Variants in TBC1D20 observed in about 807,000 individuals in gnomAD.
TBC1D20 encodes chromosome 20 open reading frame 140.
In TBC1D20, 12 loss-of-function variants were observed where a neutral mutation model predicts 41.6. That is an observed-to-expected ratio of 0.29 (90% CI 0.18 to 0.47). The LOEUF (loss-of-function observed/expected upper bound fraction) is 0.47. Ranked by LOEUF, TBC1D20 falls within the 20% of genes least tolerant of loss-of-function variation. The pLI is 1.00. For synonymous variants in TBC1D20, 205 were observed against 204.8 expected (o/e 1.00, Z -0.01); for missense variants, 421 against 517.4 (o/e 0.81, Z 1.81).
intron 3 of TBC1D20, among the ~76,000 whole-genome samples, chr20:444,263 G>A (rs2017290460): frequency 6.6e-6 from 1 of 152,196 alleles, no homozygotes; most frequent in African/African-American, 2.4e-5. Context: ...CCTGGGTATT[G>A]CAAGAATCTG....
At chr20:443,713 G>A (rs1367244966) in intron 3 of TBC1D20, among the ~76,000 whole-genome samples, 2 of 152,148 alleles carry the variant, frequency 1.3e-5, no homozygotes, top group Non-Finnish European at 2.9e-5. Context: ...AGTGAGCCAA[G>A]CCCAGAAGAC....
intron 1 of TBC1D20, among the ~76,000 whole-genome samples, chr20:457,275 C>T (rs758398141): frequency 2.0e-5 from 3 of 152,046 alleles, no homozygotes; most frequent in Non-Finnish European, 2.9e-5. Context: ...GACAGGGTCT[C>T]ACTCTGTTGC....
chr20:439,123 T>A lies in TBC1D20; in HGVS notation c.941A>T (p.Gln314Leu). 6.2e-7 allele frequency: 1 copy of A among 1,612,582 alleles called. No individual in the cohort carries two copies. Among genetic ancestry groups the A allele is most frequent in the South Asian group, 1.1e-5 (1 of 90,858 alleles). ...PSELAREAAA[Q>L]QQAERTAAST... ...CCTTGCTCACCTCTCAGCTTGCTGT[T>A]GGGCAGCGGCCTCCCGAGCAAGTTC... Residue 314 changes from glutamine (Q) to leucine (L), a missense_variant, in exon 7 of 8, where the codon CAA (glutamine) becomes CTA (leucine). Coordinates refer to ENST00000354200, the MANE Select transcript of TBC1D20 (RefSeq NM_144628.4). This position sits in a 1 kb window ranked among gnomAD's most constrained non-coding sequence, Gnocchi z 4.6.
intron 1 of TBC1D20, 42 bp from the exon 2 acceptor site, chr20:448,116 C>T (rs754621216): frequency 1.1e-5 from 16 of 1,486,682 alleles, no homozygotes; most frequent in Admixed American, 6.8e-5. Context: ...ACATTCAGCA[C>T]GTGCATATTT....
intron 3 of TBC1D20, among the ~76,000 whole-genome samples, chr20:443,939 C>A (rs1294380222): frequency 3.3e-5 from 5 of 152,008 alleles, no homozygotes; most frequent in African/African-American, 1.2e-4. Context: ...GCCTGGCCAA[C>A]ATGGTGAAAC....
In TBC1D20 at chr20:441,604, G is replaced by A; in HGVS notation, c.610C>T (p.His204Tyr). Residue 204 changes from histidine to tyrosine, a missense_variant, in exon 5 of 8, where the codon CAT becomes TAT. Around this residue, in one of 3 missense-constraint regions of TBC1D20, gnomAD observed 110 missense variants for 183.5 expected, o/e 0.60. Transcript: ENST00000354200. ...PIIDQVNPEL[H>Y]DFMQSAEVGT... ...CATATGTACCTCTGCATGAAGTCAT[G>A]GAGCTCTGGATTCACCTGGTCAATG... The A allele has an allele frequency of 6.2e-7, 1 of 1,614,090 alleles. No homozygotes were observed. The highest frequency in any genetic ancestry group is 1.1e-5 in the South Asian group (1 of 91,086).
In TBC1D20 at chr20:437,623, G is replaced by T. The variant is rs6052008; in HGVS notation, c.*963C>A. ...CCTATTTGGGAGTAGGATGATTTGA[G>T]GAAAACAGGAAGAAAAACCGGTCAG... On this transcript the variant is annotated 3_prime_UTR_variant, in exon 8 of 8. Transcript: ENST00000354200. The T allele has an allele frequency of 7.1e-4, 108 of 152,864 alleles. No individual in the cohort carries two copies. The highest frequency in any genetic ancestry group is 2.3e-3 in the African/African-American group (96 of 41,518). The allele number at this position is 152,864 out of a possible 1,614,324, so 9.5% of individuals were successfully genotyped here.
intron 1 of TBC1D20, among the ~76,000 whole-genome samples, chr20:455,183 AC>A (rs1406156954): frequency 1.3e-5 from 2 of 152,130 alleles, no homozygotes; most frequent in African/African-American, 4.8e-5. Context: ...TAGTAGGGTG[AC>A]CATTTGTCCT....
At chr20:458,083 A>C (rs1344283418) in intron 1 of TBC1D20, among the ~76,000 whole-genome samples, 2 of 152,136 alleles carry the variant, frequency 1.3e-5, no homozygotes, top group African/African-American at 2.4e-5. Context: ...AGAGTATGAT[A>C]ATTTTTCTTC....
intron 1 of TBC1D20, among the ~76,000 whole-genome samples, chr20:452,319 A>G (rs892889705): frequency 6.6e-6 from 1 of 151,916 alleles, no homozygotes; most frequent in Non-Finnish European, 1.5e-5. Context: ...AAAAACAAAC[A>G]AACAAAAAAA....
chr20:441,559 T>C (rs769724714), intron 5 of TBC1D20, 29 bp downstream of exon 5: 5 of 1,590,032 alleles, frequency 3.1e-6, no homozygotes, highest in South Asian at 1.1e-5. Flanking sequence ...TGTGTATGCA[T>C]GCACACAGAA....
At chr20:458,692 A>C (rs2017582344) in intron 1 of TBC1D20, among the ~76,000 whole-genome samples, 1 of 152,176 alleles carries the variant, frequency 6.6e-6, no homozygotes, top group Admixed American at 6.6e-5. Flanking sequence ...GAACGCAACA[A>C]ATACGTGCAG....
rs1185736135 is a variant in TBC1D20 at position 438,691 on chromosome 20, T to A, written c.1107A>T (p.Lys369Asn). 1 of 1,614,194 alleles carries A rather than the reference T, an allele frequency of 6.2e-7. No individual in the cohort carries two copies. Among genetic ancestry groups the A allele is most frequent in the East Asian group, 2.2e-5 (1 of 44,884 alleles). Residue 369 changes from lysine (K) to asparagine (N), a missense_variant, in exon 8 of 8, where the codon AAA becomes AAT. Physicochemically the swap from Lys to Asn is moderately conservative, Grantham distance 94. Around this residue, in one of 3 missense-constraint regions of TBC1D20, gnomAD observed 161 missense variants for 182.7 expected, o/e 0.88. Coordinates refer to ENST00000354200, the MANE Select transcript of TBC1D20 (RefSeq NM_144628.4). ...LTKPRTNRFV[K>N]LAVMGLTVAL... The stretch of plus-strand genomic sequence containing the variant: ...CCACTGTCAGCCCCATCACTGCCAA[T>A]TTCACAAAGCGGTTGGTCCTTGGCT...
intron 3 of TBC1D20, among the ~76,000 whole-genome samples, chr20:442,759 TG>T (rs2017261914): frequency 6.6e-6 from 1 of 152,094 alleles, no homozygotes; most frequent in Non-Finnish European, 1.5e-5. Context: ...AGAGAAAAAG[TG>T]TATGTCTATG....
Position 440,350 on chromosome 20 carries a change from G to A in TBC1D20, c.666C>T (p.Ile222=), listed in dbSNP as rs772278307. The A allele has an allele frequency of 6.2e-7, 1 of 1,614,060 alleles. No homozygotes were observed. Among genetic ancestry groups the A allele is most frequent in the Non-Finnish European group, 8.5e-7 (1 of 1,180,032 alleles). The change falls in exon 6 of 8, where the codon ATC becomes ATT. Residue 222 remains isoleucine (I), a synonymous_variant. Coordinates refer to ENST00000354200, the MANE Select transcript of TBC1D20 (RefSeq NM_144628.4). ...CAGACAGGACATGCCCAAACCAGGT[G>A]ATGAGCCAGCTGAGGGCAAAGATGG... ...VGTIFALSWL[I]TWFGHVLSDF...
intron 1 of TBC1D20, among the ~76,000 whole-genome samples, chr20:453,569 G>A (rs1285965743): frequency 9.6e-6 from 1 of 103,736 alleles, no homozygotes; most frequent in Non-Finnish European, 1.8e-5. Context: ...TTTTTGAGAC[G>A]GAGTCTCGCC....
chr20:442,674 T>A (rs1427715102), intron 3 of TBC1D20, among the ~76,000 whole-genome samples: 6 of 152,250 alleles, frequency 3.9e-5, no homozygotes, highest in Admixed American at 3.3e-4. Context: ...CATGAGAGCC[T>A]TATATTTAGG....
rs1012422898 is a variant in TBC1D20 at position 445,055 on chromosome 20, G to A, written c.332C>T (p.Pro111Leu). ...LDVRRSLRRF[P>L]PGMPEEQREG... is the part of the protein sequence containing the mutation. Reference sequence around the variant, plus strand: ...GGACCGGGAGAGCTTCTCACCAGGAGGGAACCGCCGCAATGACCGCCGGAC... The same window carrying A: ...GGACCGGGAGAGCTTCTCACCAGGAAGGAACCGCCGCAATGACCGCCGGAC... Residue 111 changes from proline (P) to leucine (L), a missense_variant, in exon 3 of 8, where the codon CCT becomes CTT. Physicochemically the swap from Pro to Leu is moderately conservative, Grantham distance 98. This residue lies in a region of TBC1D20 where 150 missense variants were observed against 151.3 expected (regional missense o/e 0.99). Coordinates refer to ENST00000354200, the MANE Select transcript of TBC1D20 (RefSeq NM_144628.4). 1.3e-5 allele frequency: 21 copies of A among 1,601,158 alleles called. No individual in the cohort carries two copies. Among genetic ancestry groups the A allele is most frequent in the Non-Finnish European group, 8.5e-7 (1 of 1,172,272 alleles).
chr20:454,982 ATAAAT>A lies in TBC1D20; in HGVS notation c.71-6913_71-6909del, dbSNP rs2017516715. Among the ~76,000 whole-genome samples the A allele has an allele frequency of 3.3e-5, 5 of 152,254 alleles. No individual in the cohort carries two copies. The South Asian group carries it at 1.0e-3, about 32-fold the overall frequency. On this transcript the variant is annotated intron_variant, in intron 1 of 7. Transcript: ENST00000354200. Reference sequence around the variant, plus strand: ...CCATCAGGTCTGGCCCATTATTAACATAAATTAAAGTTGGTACTAATAAGTCACAG... The same window carrying A: ...CCATCAGGTCTGGCCCATTATTAACATAAAGTTGGTACTAATAAGTCACAG...
Sources: allele counts gnomAD v4.1 joint callset (sites outside exome capture counted in the v4.1 genomes callset), GRCh38; gene constraint gnomAD v4.1.1; regional missense constraint gnomAD v4.1.1; non-coding constraint Gnocchi (gnomAD v3.1); transcripts MANE v1.5; gene names NCBI Gene and HGNC (gene_info 2026-07-23, HGNC 2026-07-21).